The following KLHL29 variants were observed in gnomAD, a reference collection of about 807,000 sequenced individuals.
KLHL29 encodes the protein kelch-like protein 29.
A neutral mutation model predicts 80.4 loss-of-function variants in KLHL29; 21 were observed. The observed-to-expected ratio is 0.26, with a 90% CI of 0.19 to 0.38. The LOEUF (loss-of-function observed/expected upper bound fraction) is 0.38. Among genes scored for constraint, KLHL29 ranks in the 10% least tolerant of loss-of-function variants. The pLI is 1.00. For missense variants in KLHL29, 867 were observed against 1,223.9 expected (o/e 0.71, Z 4.35); for synonymous variants, 511 against 526.8 (o/e 0.97, Z 0.41).
chr2:23,463,461 G>A (rs1273675260), intron 1 of KLHL29, among the ~76,000 whole-genome samples: 4 of 152,128 alleles, frequency 2.6e-5, no homozygotes, highest in African/African-American at 9.7e-5. Flanking sequence ...TGAGGGAGGA[G>A]GGAAAAGATG....
At chr2:23,553,599 C>T (rs1019429920) in intron 2 of KLHL29, among the ~76,000 whole-genome samples, 2 of 152,196 alleles carry the variant, frequency 1.3e-5, no homozygotes, top group Non-Finnish European at 2.9e-5. Context: ...GTGTGAAGGG[C>T]CAGGGCTAGA....
chr2:23,540,914 T>A (rs1666813690), intron 2 of KLHL29, among the ~76,000 whole-genome samples: 1 of 152,226 alleles, frequency 6.6e-6, no homozygotes, highest in African/African-American at 2.4e-5. Flanking sequence ...ATATCGTATC[T>A]ATGGGATTTG....
intron 13 of KLHL29, among the ~76,000 whole-genome samples, chr2:23,704,378 T>G (rs551834223): frequency 4.1e-4 from 62 of 152,274 alleles, no homozygotes; most frequent in African/African-American, 1.4e-3. Flanking sequence ...TGAGTGTGGC[T>G]CGGTCCCCAG....
intron 2 of KLHL29, among the ~76,000 whole-genome samples, chr2:23,539,431 C>CTTTTTTTT: frequency 9.3e-6 from 1 of 107,216 alleles, no homozygotes. Flanking sequence ...TATCCTGCCT[C>CTTTTTTTT]CTTTTTTTTT....
chr2:23,433,544 A>G (rs966420161), intron 1 of KLHL29, among the ~76,000 whole-genome samples: 4 of 152,144 alleles, frequency 2.6e-5, no homozygotes, highest in Non-Finnish European at 5.9e-5. Context: ...AGCAGCTGGT[A>G]AGAGAAGGGT....
At position 23,705,118 on chromosome 2, in the gene KLHL29, A is replaced by G. The variant is rs112855288; in HGVS notation, c.2444+1255A>G. Among the ~76,000 whole-genome samples, 511 of 152,342 alleles carry G rather than the reference A, an allele frequency of 3.4e-3. 3 individuals carry two copies. The highest frequency in any genetic ancestry group is 0.011 in the African/African-American group (475 of 41,576). ...GTGGCAGTGTGCAGAGCACAGTCTG[A>G]CTACCCCGTCCACTGATGCAGACAA... On this transcript the variant is annotated intron_variant, in intron 13 of 13. Transcript: ENST00000486442.
intron 1 of KLHL29, among the ~76,000 whole-genome samples, chr2:23,444,285 T>A (rs1291748085): frequency 6.6e-6 from 1 of 152,186 alleles, no homozygotes; most frequent in African/African-American, 2.4e-5. Context: ...ATTTTTTTCC[T>A]TAACTTTTTA....
intron 1 of KLHL29, among the ~76,000 whole-genome samples, chr2:23,448,863 C>T (rs972497265): frequency 1.9e-4 from 29 of 152,164 alleles, no homozygotes; most frequent in African/African-American, 7.0e-4. Context: ...CTTCTCAAAG[C>T]ATATGCAAAC....
chr2:23,554,247 C>T (rs562390172), intron 2 of KLHL29, among the ~76,000 whole-genome samples: 16 of 152,352 alleles, frequency 1.1e-4, no homozygotes, highest in Non-Finnish European at 7.3e-5. Flanking sequence ...GTATTTTGCT[C>T]CAGAAGAAAG....
At chr2:23,685,105 C>T (rs1427020089) in intron 6 of KLHL29, among the ~76,000 whole-genome samples, 1 of 152,266 alleles carries the variant, frequency 6.6e-6, no homozygotes, top group Non-Finnish European at 1.5e-5. Context: ...GATCCTTGTG[C>T]AGTGAGCCTA....
chr2:23,459,005 C>A (rs1464025284), intron 1 of KLHL29, among the ~76,000 whole-genome samples: 1 of 152,138 alleles, frequency 6.6e-6, no homozygotes, highest in Non-Finnish European at 1.5e-5. Flanking sequence ...AAGACTATTG[C>A]AAGAGAGGAC....
chr2:23,638,481 T>G (rs530433558), intron 3 of KLHL29, among the ~76,000 whole-genome samples: 1 of 152,274 alleles, frequency 6.6e-6, no homozygotes, highest in South Asian at 2.1e-4. Flanking sequence ...GTCTCCTTCC[T>G]GCACAGAGGA....
At chr2:23,673,586 TACAC>T (rs1476418424) in intron 5 of KLHL29, among the ~76,000 whole-genome samples, 3 of 149,428 alleles carry the variant, frequency 2.0e-5, no homozygotes, top group Non-Finnish European at 1.5e-5. Context: ...CATGGGCACA[TACAC>T]AGGGGTGCAT....
At chr2:23,514,147 G>T (rs979465478) in intron 2 of KLHL29, among the ~76,000 whole-genome samples, 2 of 152,194 alleles carry the variant, frequency 1.3e-5, no homozygotes, top group African/African-American at 4.8e-5. Context: ...CAGTGCGTAG[G>T]CAGGGTTTGT....
intron 2 of KLHL29, among the ~76,000 whole-genome samples, chr2:23,537,278 C>T (rs893772884): frequency 1.3e-5 from 2 of 152,236 alleles, no homozygotes; most frequent in South Asian, 2.1e-4. Flanking sequence ...CACTCTGTTG[C>T]CTCAGTGGGA....
intron 13 of KLHL29, 81 bp from the exon 14 acceptor site, chr2:23,706,400 C>T: frequency 8.7e-7 from 1 of 1,146,030 alleles, no homozygotes; most frequent in Admixed American, 3.6e-5. Flanking sequence ...CAGCCTACAA[C>T]AGGACACGAC....
At chr2:23,689,768 G>A (rs1156949127) in intron 6 of KLHL29, 1 of 152,352 alleles carries the variant, frequency 6.6e-6, no homozygotes, top group Non-Finnish European at 1.5e-5. Flanking sequence ...GTACGAGGTT[G>A]ACCAGATGGC....
intron 2 of KLHL29, among the ~76,000 whole-genome samples, chr2:23,533,688 G>A (rs1275374910): frequency 6.6e-6 from 1 of 152,124 alleles, no homozygotes; most frequent in Non-Finnish European, 1.5e-5. Flanking sequence ...CCACTCTCCC[G>A]GGACTAACAG....
intron 3 of KLHL29, among the ~76,000 whole-genome samples, chr2:23,573,530 G>C (rs377251850): frequency 6.6e-6 from 1 of 152,200 alleles, no homozygotes; most frequent in East Asian, 1.9e-4. Context: ...AGCTGGCTGC[G>C]TACAGGTTCG....
Sources: gnomAD v4.1 joint callset for allele counts (sites outside exome capture counted in the v4.1 genomes callset) on GRCh38, gnomAD v4.1.1 for gene constraint, MANE v1.5 for transcripts, NCBI Gene and HGNC (gene_info 2026-07-23, HGNC 2026-07-21) for gene names.